The following PTPN5 variants were observed in gnomAD, a reference collection of about 807,000 sequenced individuals.
PTPN5 encodes protein tyrosine phosphatase non-receptor type 5.
In PTPN5, 29 loss-of-function variants were observed where a neutral mutation model predicts 73.9. The observed-to-expected ratio is 0.39, with a 90% CI of 0.29 to 0.54. PTPN5 has a LOEUF of 0.54. PTPN5 is among the 20% of genes least tolerant of loss of function. PTPN5 has a pLI of 0.65. For synonymous variants in PTPN5, 267 were observed against 304.7 expected (o/e 0.88, Z 1.29); for missense variants, 652 against 751.4 (o/e 0.87, Z 1.55).
At chr11:18,775,101 G>A (rs1043474180) in intron 1 of PTPN5, among the ~76,000 whole-genome samples, 4 of 152,174 alleles carry the variant, frequency 2.6e-5, no homozygotes, top group African/African-American at 7.2e-5. Context: ...ACGTACTAAC[G>A]TTTCCTGCAT....
Position 18,729,077 on chromosome 11 carries a change from G to A in PTPN5, c.1605-50C>T, listed in dbSNP as rs200044914. On this transcript the variant is annotated intron_variant, in intron 14 of 14. Coordinates refer to ENST00000358540, the MANE Select transcript of PTPN5 (RefSeq NM_006906.2). The surrounding 1 kb of genome is among the most constrained non-coding windows in gnomAD (Gnocchi z 5.2). ...GGGCAGGGTCGTGGAGGGATGGGCT[G>A]TGGGAGGTGCCCCAAAAGCCATGGA... The A allele has an allele frequency of 3.8e-6, 6 of 1,583,182 alleles. No individual in the cohort carries two copies. The highest frequency in any genetic ancestry group is 5.2e-6 in the Non-Finnish European group (6 of 1,162,308).
chr11:18,748,858 C>T (rs936405351), intron 3 of PTPN5, among the ~76,000 whole-genome samples: 1 of 152,196 alleles, frequency 6.6e-6, no homozygotes, highest in Non-Finnish European at 1.5e-5. Context: ...TTGTCAAGCA[C>T]GGGCTAGGCT....
chr11:18,749,867 G>A (rs1427630854), intron 3 of PTPN5, among the ~76,000 whole-genome samples: 1 of 152,208 alleles, frequency 6.6e-6, no homozygotes, highest in Non-Finnish European at 1.5e-5. Context: ...ACCGGAACTG[G>A]AGTGGAAGGC....
At chr11:18,761,268 ATC>A (rs1296645121) in intron 3 of PTPN5, among the ~76,000 whole-genome samples, 110 of 152,258 alleles carry the variant, frequency 7.2e-4, no homozygotes, top group African/African-American at 2.5e-3. Flanking sequence ...CTGCTGCTTT[ATC>A]TACCTCCTTC....
intron 3 of PTPN5, among the ~76,000 whole-genome samples, chr11:18,757,604 C>A (rs926625865): frequency 6.9e-6 from 1 of 144,380 alleles, no homozygotes; most frequent in Non-Finnish European, 1.6e-5. Context: ...ATTCCTAGAA[C>A]TGGCTAAGGT....
At chr11:18,751,140 C>A (rs1430832689) in intron 3 of PTPN5, among the ~76,000 whole-genome samples, 1 of 152,198 alleles carries the variant, frequency 6.6e-6, no homozygotes, top group African/African-American at 2.4e-5. Flanking sequence ...AACAGCCTGG[C>A]CTTGCTGGGC....
intron 1 of PTPN5, among the ~76,000 whole-genome samples, chr11:18,780,264 A>T (rs2134350809): frequency 6.6e-6 from 1 of 152,284 alleles, no homozygotes; most frequent in Non-Finnish European, 1.5e-5. Flanking sequence ...CCAGGTCCCC[A>T]AGTCAGACCC....
At chr11:18,768,018 T>C in intron 2 of PTPN5, among the ~76,000 whole-genome samples, 1 of 152,266 alleles carries the variant, frequency 6.6e-6, no homozygotes. Flanking sequence ...ATCATTAGAC[T>C]GTGGCTTTCA....
At chr11:18,761,787 C>T (rs1850402127) in intron 3 of PTPN5, among the ~76,000 whole-genome samples, 1 of 152,106 alleles carries the variant, frequency 6.6e-6, no homozygotes, top group Non-Finnish European at 1.5e-5. Context: ...AGAGAGCAAG[C>T]ACATCACCAG....
intron 1 of PTPN5, 100 bp from the exon 2 acceptor site, chr11:18,772,171 G>C: frequency 3.8e-6 from 2 of 532,838 alleles, no homozygotes; most frequent in South Asian, 5.5e-5. Flanking sequence ...TTTCCTTCTG[G>C]GAGTCACCTT....
At chr11:18,769,790 A>G (rs1260474156) in intron 2 of PTPN5, among the ~76,000 whole-genome samples, 1 of 152,228 alleles carries the variant, frequency 6.6e-6, no homozygotes, top group Non-Finnish European at 1.5e-5. Flanking sequence ...AGAGCAAGGC[A>G]TGGAGGCCCA....
chr11:18,785,604 G>T (rs940316524), intron 1 of PTPN5, among the ~76,000 whole-genome samples: 1 of 152,162 alleles, frequency 6.6e-6, no homozygotes, highest in Non-Finnish European at 1.5e-5. Context: ...TACACACATT[G>T]TTAGTTTTGC....
At chr11:18,758,033 A>G (rs537639124) in intron 3 of PTPN5, among the ~76,000 whole-genome samples, 1 of 152,290 alleles carries the variant, frequency 6.6e-6, no homozygotes, top group South Asian at 2.1e-4. Flanking sequence ...AAATAGTGGA[A>G]GGTTGGGGAA....
At position 18,728,498 on chromosome 11, in the gene PTPN5, C is replaced by T. The variant is rs568040728; in HGVS notation, c.*436G>A. On this transcript the variant is annotated 3_prime_UTR_variant, in exon 15 of 15. Coordinates refer to ENST00000358540, the MANE Select transcript of PTPN5 (RefSeq NM_006906.2). The surrounding 1 kb of genome is among the most constrained non-coding windows in gnomAD (Gnocchi z 4.1). ...CGGGTGAGGCCGAGGCAGGCAAGTC[C>T]GGTTGCTTAGGGGCTGGAGCTCATT... 14 of 155,844 alleles carry T rather than the reference C, an allele frequency of 9.0e-5. 1 individual carries two copies. The East Asian group carries it at 2.1e-3, about 23-fold the overall frequency. The allele number at this position is 155,844 out of a possible 1,614,324, so 9.7% of individuals were successfully genotyped here. A position where few individuals can be genotyped will look rare whatever the true frequency, so the allele number is the denominator to read the frequency against.
chr11:18,738,648 C>T (rs563736949), intron 8 of PTPN5, among the ~76,000 whole-genome samples: 16 of 152,250 alleles, frequency 1.1e-4, no homozygotes, highest in Non-Finnish European at 1.8e-4. Flanking sequence ...GTCTCCCCTA[C>T]CCCCATCTCT....
chr11:18,766,565 G>A (rs1850654412), intron 2 of PTPN5, among the ~76,000 whole-genome samples: 1 of 152,196 alleles, frequency 6.6e-6, no homozygotes. Flanking sequence ...TGAAATCAGA[G>A]AACCCTCTTT....
chr11:18,773,601 CAG>C, intron 1 of PTPN5, among the ~76,000 whole-genome samples: 2 of 152,234 alleles, frequency 1.3e-5, no homozygotes, highest in Non-Finnish European at 2.9e-5. Flanking sequence ...AGCAGTGGGT[CAG>C]AGTCATTCCA....
chr11:18,784,733 A>G (rs990151772), intron 1 of PTPN5, among the ~76,000 whole-genome samples: 4 of 152,096 alleles, frequency 2.6e-5, no homozygotes, highest in Non-Finnish European at 5.9e-5. Context: ...TTCCCTCTGA[A>G]ATCTGACAGA....
At chr11:18,756,418 TC>T (rs1850139480) in intron 3 of PTPN5, among the ~76,000 whole-genome samples, 1 of 150,810 alleles carries the variant, frequency 6.6e-6, no homozygotes, top group Non-Finnish European at 1.5e-5. Flanking sequence ...TGCCTTAGCC[TC>T]CTGAGTAGCT....
Sources: allele counts gnomAD v4.1 joint callset (sites outside exome capture counted in the v4.1 genomes callset), GRCh38; gene constraint gnomAD v4.1.1; non-coding constraint Gnocchi (gnomAD v3.1); transcripts MANE v1.5; gene names NCBI Gene and HGNC (gene_info 2026-07-23, HGNC 2026-07-21).